The following PCDHGA8 variants were observed in gnomAD, a reference collection of about 807,000 sequenced individuals.
PCDHGA8 encodes the protein protocadherin gamma-A8.
A neutral mutation model predicts 59.2 loss-of-function variants in PCDHGA8; 45 were observed. The observed-to-expected ratio is 0.76, with a 90% CI of 0.60 to 0.98. The LOEUF (loss-of-function observed/expected upper bound fraction) is 0.98, where lower values mean the gene tolerates loss of function less well. PCDHGA8 is among the 50% of genes least tolerant of loss of function. The pLI is 0.00. For missense variants in PCDHGA8, 1,257 were observed against 1,196.2 expected (o/e 1.05, Z -0.75); for synonymous variants, 531 against 519.0 (o/e 1.02, Z -0.32).
At chr5:141,427,088 T>C in intron 1 of PCDHGA8, 1 of 458,156 alleles carries the variant, frequency 2.2e-6, no homozygotes. Flanking sequence ...CTGACCAGGA[T>C]GAGGGTGTCA....
intron 1 of PCDHGA8, chr5:141,421,546 A>C: frequency 6.2e-7 from 1 of 1,614,014 alleles, no homozygotes; most frequent in Non-Finnish European, 8.5e-7. Context: ...TTTTTTAAAT[A>C]TGGAACTTCT....
In PCDHGA8 at chr5:141,423,130, G is replaced by A. The variant is rs770258338; in HGVS notation, c.2424+27893G>A. On this transcript the variant is annotated intron_variant, in intron 1 of 3. Coordinates refer to ENST00000398604, the MANE Select transcript of PCDHGA8 (RefSeq NM_032088.2). The stretch of plus-strand genomic sequence containing the variant: ...GGTGCGTACAGCGCGGGCACTGCTG[G>A]ACAGAGACGCGCTCAAGCAGAGCCT... The A allele has an allele frequency of 9.3e-6, 15 of 1,613,582 alleles. No individual in the cohort carries two copies. Among genetic ancestry groups the A allele is most frequent in the Middle Eastern group, 1.6e-4 (1 of 6,072 alleles).
At chr5:141,404,832 G>T in intron 1 of PCDHGA8, 1 of 1,613,864 alleles carries the variant, frequency 6.2e-7, no homozygotes, top group Non-Finnish European at 8.5e-7. Flanking sequence ...GGTGAAGTGC[G>T]CACAGCTCGG....
chr5:141,426,817 C>G (rs942714141), intron 1 of PCDHGA8: 4 of 456,594 alleles, frequency 8.8e-6, no homozygotes, highest in Non-Finnish European at 1.8e-5. Flanking sequence ...GAACATTTCT[C>G]TCTGATGATG....
chr5:141,495,702 T>C (rs1462896403), intron 2 of PCDHGA8, among the ~76,000 whole-genome samples: 3 of 152,212 alleles, frequency 2.0e-5, no homozygotes, highest in Non-Finnish European at 4.4e-5. Context: ...TCAATAAATG[T>C]GGAGTGAGTA....
intron 1 of PCDHGA8, among the ~76,000 whole-genome samples, chr5:141,462,639 C>T (rs2099043867): frequency 7.2e-6 from 1 of 138,292 alleles, no homozygotes. Flanking sequence ...TTGACTCTTT[C>T]ATTTCCATCC....
intron 2 of PCDHGA8, among the ~76,000 whole-genome samples, chr5:141,495,521 C>G (rs1385879589): frequency 6.6e-6 from 1 of 152,144 alleles, no homozygotes; most frequent in Non-Finnish European, 1.5e-5. Flanking sequence ...TTTCTCTTAC[C>G]TCTCAGTCCT....
chr5:141,397,738 C>T (rs1211172946), intron 1 of PCDHGA8, among the ~76,000 whole-genome samples: 1 of 152,162 alleles, frequency 6.6e-6, no homozygotes, highest in East Asian at 1.9e-4. Flanking sequence ...AGAAAGATAC[C>T]TTAAAGAAGT....
chr5:141,472,183 A>G (rs2099273731), intron 1 of PCDHGA8, among the ~76,000 whole-genome samples: 1 of 152,190 alleles, frequency 6.6e-6, no homozygotes, highest in South Asian at 2.1e-4. Flanking sequence ...CCAGTATTGG[A>G]ATTTGAATCT....
intron 1 of PCDHGA8, among the ~76,000 whole-genome samples, chr5:141,437,331 A>G (rs2097876062): frequency 6.6e-6 from 1 of 152,244 alleles, no homozygotes; most frequent in Non-Finnish European, 1.5e-5. Context: ...TAAAATTTGT[A>G]GCTTCACTGT....
intron 1 of PCDHGA8, among the ~76,000 whole-genome samples, chr5:141,494,030 A>G (rs1165393646): frequency 6.6e-6 from 1 of 151,978 alleles, no homozygotes; most frequent in Non-Finnish European, 1.5e-5. Context: ...AGCCCTGGAG[A>G]CTTAGTTGGC....
chr5:141,457,949 C>G (rs2098933653), intron 1 of PCDHGA8, among the ~76,000 whole-genome samples: 1 of 152,192 alleles, frequency 6.6e-6, no homozygotes. Flanking sequence ...CTCTGCATGT[C>G]AAGCTTGATT....
chr5:141,508,829 C>G (rs370074494), intron 3 of PCDHGA8, among the ~76,000 whole-genome samples: 10 of 152,240 alleles, frequency 6.6e-5, no homozygotes, highest in Middle Eastern at 3.4e-3. Context: ...TCTGGGCCCC[C>G]CTCCCCTACC....
Position 141,393,082 on chromosome 5 carries a change from TAGATCGGG to T in PCDHGA8, c.272_279del (p.Asp91GlyfsTer14). The T allele has an allele frequency of 6.2e-7, 1 of 1,613,652 alleles. No homozygotes were observed. Among genetic ancestry groups the T allele is most frequent in the Non-Finnish European group, 8.5e-7 (1 of 1,179,894 alleles). ...GGCAGCTTGATCACCGCGGGCAGGA[TAGATCGGG>T]AGGAGCTCTGCGCTCAGAGCCCGCG... On this transcript the variant is annotated frameshift_variant, in exon 1 of 4. Transcript: ENST00000398604. LOFTEE classifies it high-confidence loss of function.
intron 1 of PCDHGA8, among the ~76,000 whole-genome samples, chr5:141,483,517 CCTGA>C (rs72004558): frequency 0.16 from 24,470 of 151,950 alleles, 2,064 homozygotes; most frequent in African/African-American, 0.21. Context: ...CCCCCTAGAT[CCTGA>C]CTAAGGAAGC....
In PCDHGA8 at chr5:141,393,052, G is replaced by A; in HGVS notation, c.239G>A (p.Arg80His). 6.2e-7 allele frequency: 1 copy of A among 1,613,612 alleles called. No individual in the cohort carries two copies. Among genetic ancestry groups the A allele is most frequent in the Non-Finnish European group, 8.5e-7 (1 of 1,179,898 alleles). The change falls in exon 1 of 4, where the codon CGC becomes CAC. Residue 80 changes from arginine (R) to histidine (H), a missense_variant. Arg to His is a conservative substitution (Grantham distance 29, BLOSUM62 0). Transcript: ENST00000398604. Reference protein sequence around the residue: ...GRTQLFALNPRSGSLITAGRI... With the variant: ...GRTQLFALNPHSGSLITAGRI... ...ACGCAGCTCTTTGCTCTGAACCCGC[G>A]CAGCGGCAGCTTGATCACCGCGGGC...
At chr5:141,422,568 C>A (rs372115955) in intron 1 of PCDHGA8, 5 of 1,613,904 alleles carry the variant, frequency 3.1e-6, no homozygotes, top group Admixed American at 3.3e-5. Context: ...CAGATGACAA[C>A]GATAACCCTC....
intron 2 of PCDHGA8, among the ~76,000 whole-genome samples, chr5:141,504,572 A>G (rs184273457): frequency 6.7e-6 from 1 of 148,962 alleles, no homozygotes; most frequent in Admixed American, 6.9e-5. Flanking sequence ...TCTAGGGAAC[A>G]CCATCTGCCC....
At chr5:141,422,781 A>C (rs746943605) in intron 1 of PCDHGA8, 13 of 1,613,964 alleles carry the variant, frequency 8.1e-6, no homozygotes, top group African/African-American at 1.3e-5. Flanking sequence ...TCTATGCCCT[A>C]CAATCCTTCG....
Sources: allele counts gnomAD v4.1 joint callset (sites outside exome capture counted in the v4.1 genomes callset), GRCh38; gene constraint gnomAD v4.1.1; transcripts MANE v1.5; gene names NCBI Gene and HGNC (gene_info 2026-07-23, HGNC 2026-07-21).